C9orf85: variants seen among roughly 807,000 people sequenced by gnomAD.
C9orf85 encodes the protein chromosome 9 open reading frame 85.
Under a neutral mutation model 14.9 loss-of-function variants are expected in C9orf85, and 16 were observed. The observed-to-expected ratio is 1.08, with a 90% confidence interval of 0.73 to 1.63. The LOEUF (loss-of-function observed/expected upper bound fraction) is 1.63, where lower values mean the gene tolerates loss of function less well. Ranked by LOEUF, C9orf85 falls within the 40% of genes most tolerant of loss-of-function variation. The probability of loss-of-function intolerance (pLI) is 0.00; values close to 1 mark genes in which losing one functional copy is unlikely to be tolerated. For synonymous variants in C9orf85, 45 were observed against 56.8 expected (o/e 0.79, Z 0.93); for missense variants, 172 against 186.1 (o/e 0.92, Z 0.44).
At chr9:71,932,783 T>C (rs1828101111) in intron 1 of C9orf85, among the ~76,000 whole-genome samples, 1 of 152,066 alleles carries the variant, frequency 6.6e-6, no homozygotes, top group Admixed American at 6.6e-5. Context: ...CAACAGAAAC[T>C]GCCTCTGAAA....
chr9:71,985,501 T>C (rs1823194786), downstream of C9orf85: 1 of 152,254 alleles, frequency 6.6e-6, no homozygotes, highest in Admixed American at 6.5e-5. Context: ...TGAAACATAC[T>C]CTGTGGGCGG....
At chr9:71,977,822 G>A (rs1462185773), downstream of C9orf85, among the ~76,000 whole-genome samples, 1 of 152,018 alleles carries the variant, frequency 6.6e-6, no homozygotes, top group African/African-American at 2.4e-5. Flanking sequence ...AATTTTTACT[G>A]GCTACACTGA....
At chr9:71,960,006 C>T (rs1396990336) in intron 2 of C9orf85, among the ~76,000 whole-genome samples, 1 of 152,174 alleles carries the variant, frequency 6.6e-6, no homozygotes, top group Non-Finnish European at 1.5e-5. Flanking sequence ...AGGAATTTAC[C>T]ATCTATTTGG....
At chr9:71,975,559 G>A (rs1043556685), downstream of C9orf85, among the ~76,000 whole-genome samples, 6 of 152,086 alleles carry the variant, frequency 3.9e-5, no homozygotes, top group Admixed American at 1.3e-4. Flanking sequence ...CCCGCTGGGC[G>A]TGTTGCCTCA....
chr9:71,967,530 G>A (rs1175007922), intron 2 of C9orf85, among the ~76,000 whole-genome samples: 1 of 151,890 alleles, frequency 6.6e-6, no homozygotes, highest in Admixed American at 6.6e-5. Flanking sequence ...ATTAATCATT[G>A]CTAGAAACAT....
intron 1 of C9orf85, among the ~76,000 whole-genome samples, chr9:71,946,787 CT>C (rs1822098483): frequency 6.9e-6 from 1 of 144,458 alleles, no homozygotes; most frequent in Non-Finnish European, 1.5e-5. Flanking sequence ...GAGTGAGACT[CT>C]GTCTCAAAAA....
intron 2 of C9orf85, among the ~76,000 whole-genome samples, chr9:71,961,144 T>G (rs548665062): frequency 6.6e-6 from 1 of 152,080 alleles, no homozygotes; most frequent in East Asian, 2.0e-4. Flanking sequence ...ACTCCGGACC[T>G]CAGGTGATCC....
At chr9:71,975,580 C>T (rs1478843458), downstream of C9orf85, among the ~76,000 whole-genome samples, 1 of 152,178 alleles carries the variant, frequency 6.6e-6, no homozygotes, top group Non-Finnish European at 1.5e-5. Flanking sequence ...CGCCTGTAAT[C>T]CTAGCACTTT....
At chr9:71,962,853 C>T (rs187357588) in intron 2 of C9orf85, among the ~76,000 whole-genome samples, 3 of 152,182 alleles carry the variant, frequency 2.0e-5, no homozygotes, top group Admixed American at 2.0e-4. Context: ...GTCAGGAGTT[C>T]GAGACCAGCC....
At chr9:71,925,490 C>G (rs766391207) in intron 1 of C9orf85, among the ~76,000 whole-genome samples, 2 of 152,086 alleles carry the variant, frequency 1.3e-5, no homozygotes, top group African/African-American at 4.8e-5. Flanking sequence ...ACTATGATAC[C>G]AAAAAACTGA....
At chr9:71,970,085 C>G (rs1302850147) in intron 2 of C9orf85, among the ~76,000 whole-genome samples, 2 of 152,154 alleles carry the variant, frequency 1.3e-5, no homozygotes, top group East Asian at 1.9e-4. Context: ...GCTGAGATTG[C>G]AGATGTGCTC....
intron 1 of C9orf85, among the ~76,000 whole-genome samples, chr9:71,937,851 T>C (rs1054534324): frequency 6.6e-6 from 1 of 152,186 alleles, no homozygotes; most frequent in Non-Finnish European, 1.5e-5. Context: ...ATAAATTTGC[T>C]CAACTTGGAC....
At chr9:71,930,366 G>A (rs1828041898) in intron 1 of C9orf85, among the ~76,000 whole-genome samples, 1 of 152,040 alleles carries the variant, frequency 6.6e-6, no homozygotes, top group African/African-American at 2.4e-5. Flanking sequence ...ATTTTCATGT[G>A]GATATTCTCT....
chr9:71,975,556 G>T (rs1260192486), downstream of C9orf85, among the ~76,000 whole-genome samples: 1 of 152,108 alleles, frequency 6.6e-6, no homozygotes. Flanking sequence ...TGTCCCGCTG[G>T]GCGTGTTGCC....
At chr9:71,943,669 C>T (rs1172644178) in intron 1 of C9orf85, among the ~76,000 whole-genome samples, 4 of 151,754 alleles carry the variant, frequency 2.6e-5, no homozygotes, top group Non-Finnish European at 4.4e-5. Context: ...CAGCCTCCAG[C>T]GTAGCTAGGA....
chr9:71,941,661 A>T (rs543547332), intron 1 of C9orf85: 1 of 152,342 alleles, frequency 6.6e-6, no homozygotes, highest in Non-Finnish European at 1.5e-5. Context: ...AAAGAGAGAT[A>T]ACAGATATAC....
chr9:71,985,643 T>A (rs183701205), downstream of C9orf85: 44 of 152,376 alleles, frequency 2.9e-4, no homozygotes, highest in African/African-American at 9.6e-4. Context: ...AACCTACCAA[T>A]CCTGGCCTCT....
At chr9:71,969,779 A>G (rs1039572893) in intron 2 of C9orf85, among the ~76,000 whole-genome samples, 2 of 152,106 alleles carry the variant, frequency 1.3e-5, no homozygotes, top group African/African-American at 4.8e-5. Context: ...TTGTCATTCA[A>G]TCAAAATATT....
Position 71,956,242 on chromosome 9 carries a change from GTTTTTT to G in C9orf85, c.209+9150_209+9155del, listed in dbSNP as rs60432625. The stretch of plus-strand genomic sequence containing the variant: ...TGGTAATAGGAAGGGGAATGCAAAA[GTTTTTT>G]TTTTTTTTTTTTTTTTTTTGAGACA... On this transcript the variant is annotated intron_variant, in intron 2 of 3. Coordinates refer to ENST00000334731, the MANE Select transcript of C9orf85 (RefSeq NM_182505.5). Among the ~76,000 whole-genome samples, 12 of 51,022 alleles carry G rather than the reference GTTTTTT, an allele frequency of 2.4e-4. No homozygotes were observed. The East Asian group carries it at 7.4e-3, about 32-fold the overall frequency. 33.5% of individuals were successfully genotyped at this position (51,022 alleles called of 152,430 possible). A position where few individuals can be genotyped will look rare whatever the true frequency, so the allele number is the denominator to read the frequency against.
Sources: gnomAD v4.1 joint callset for allele counts (sites outside exome capture counted in the v4.1 genomes callset) on GRCh38, gnomAD v4.1.1 for gene constraint, MANE v1.5 for transcripts, NCBI Gene and HGNC (gene_info 2026-07-23, HGNC 2026-07-21) for gene names.